Variants in DDX10 observed in about 807,000 individuals in gnomAD.
The protein encoded by DDX10 is probable ATP-dependent RNA helicase DDX10.
In DDX10, 74 loss-of-function variants were observed where a neutral mutation model predicts 104.3. The ratio of observed to expected loss-of-function variants is 0.71; its 90% confidence interval spans 0.59 to 0.86. The LOEUF (loss-of-function observed/expected upper bound fraction) is 0.86. Among genes scored for constraint, DDX10 ranks in the 40% least tolerant of loss-of-function variants. The pLI, the probability that DDX10 is intolerant of heterozygous loss-of-function variation, is 0.00. For missense variants in DDX10, 952 were observed against 1,040.0 expected, an observed-to-expected ratio of 0.92 and a Z score of 1.16; for synonymous variants, 351 against 353.4, an observed-to-expected ratio of 0.99 and a Z score of 0.08.
intron 13 of DDX10, among the ~76,000 whole-genome samples, chr11:108,807,799 T>C (rs1189759719): frequency 6.6e-6 from 1 of 152,168 alleles, no homozygotes; most frequent in East Asian, 1.9e-4. Flanking sequence ...AAATATCTTC[T>C]ACTAAAGTAG....
intron 13 of DDX10, among the ~76,000 whole-genome samples, chr11:108,773,524 T>C (rs2094366013): frequency 6.6e-6 from 1 of 152,166 alleles, no homozygotes; most frequent in African/African-American, 2.4e-5. Flanking sequence ...TTTCTCTCCC[T>C]TTTCTGCTTC....
chr11:108,742,970 T>C (rs1247798850), intron 13 of DDX10, among the ~76,000 whole-genome samples: 1 of 152,136 alleles, frequency 6.6e-6, no homozygotes, highest in Non-Finnish European at 1.5e-5. Context: ...AGAAAAGTTG[T>C]TACCATTCTT....
chr11:108,902,375 G>A (rs1308935331), intron 16 of DDX10, among the ~76,000 whole-genome samples: 2 of 152,136 alleles, frequency 1.3e-5, no homozygotes, highest in African/African-American at 4.8e-5. Context: ...CATACCTTTG[G>A]ATTTCTTAAG....
chr11:108,753,131 G>A (rs2094340656), intron 13 of DDX10, among the ~76,000 whole-genome samples: 1 of 148,498 alleles, frequency 6.7e-6, no homozygotes, highest in Non-Finnish European at 1.5e-5. Context: ...TAAAATTTCT[G>A]CAAACCAAAT....
intron 13 of DDX10, among the ~76,000 whole-genome samples, chr11:108,778,108 G>A (rs542271278): frequency 6.6e-6 from 1 of 152,232 alleles, no homozygotes; most frequent in African/African-American, 2.4e-5. Flanking sequence ...TTGTGAAGAT[G>A]GCCATACTGC....
At chr11:108,847,620 T>C (rs1398859121) in intron 15 of DDX10, among the ~76,000 whole-genome samples, 3 of 152,210 alleles carry the variant, frequency 2.0e-5, no homozygotes, top group Non-Finnish European at 4.4e-5. Flanking sequence ...TGTTTTATTG[T>C]TGTTGACACA....
At chr11:108,747,765 T>C (rs1298436847) in intron 13 of DDX10, among the ~76,000 whole-genome samples, 12 of 152,308 alleles carry the variant, frequency 7.9e-5, no homozygotes, top group South Asian at 4.1e-4. Context: ...AATAGTCTTA[T>C]TTAAATAAAC....
At chr11:108,918,069 T>A in intron 17 of DDX10, 51 bp downstream of exon 17, 1 of 1,556,458 alleles carries the variant, frequency 6.4e-7, no homozygotes, top group Non-Finnish European at 8.9e-7. Flanking sequence ...CTCACATCAG[T>A]CTTTTAATGA....
intron 1 of DDX10, among the ~76,000 whole-genome samples, chr11:108,666,649 GGTGGCTGCTGGCATTCCTTGGCCT>G (rs1236542186): frequency 6.6e-6 from 1 of 152,140 alleles, no homozygotes; most frequent in Non-Finnish European, 1.5e-5. Flanking sequence ...TGTAGCTTCT[GGTGGCTGCTGGCATTCCTTGGCCT>G]GTGGCTGCAT....
intron 16 of DDX10, among the ~76,000 whole-genome samples, chr11:108,883,660 CCTCATCT>C (rs1440578337): frequency 1.3e-5 from 2 of 152,012 alleles, no homozygotes; most frequent in Non-Finnish European, 2.9e-5. Flanking sequence ...ATTACCACTT[CCTCATCT>C]CTCATCTCTT....
chr11:108,815,152 G>A (rs1862237623), intron 13 of DDX10, among the ~76,000 whole-genome samples: 1 of 152,070 alleles, frequency 6.6e-6, no homozygotes, highest in African/African-American at 2.4e-5. Context: ...GCATATTCCT[G>A]TTATATACTT....
chr11:108,674,227 G>A (rs1327870715), intron 2 of DDX10, among the ~76,000 whole-genome samples: 3 of 151,866 alleles, frequency 2.0e-5, no homozygotes, highest in African/African-American at 7.3e-5. Flanking sequence ...TGAGGCAGGG[G>A]AATCACTTGA....
chr11:108,673,844 CA>C (rs2094220321), intron 2 of DDX10, among the ~76,000 whole-genome samples: 1 of 152,142 alleles, frequency 6.6e-6, no homozygotes, highest in Non-Finnish European at 1.5e-5. Context: ...GACAAAATAT[CA>C]GACTGAGTGG....
intron 6 of DDX10, among the ~76,000 whole-genome samples, chr11:108,686,360 A>T (rs1410853887): frequency 6.6e-6 from 1 of 152,210 alleles, no homozygotes; most frequent in Non-Finnish European, 1.5e-5. Flanking sequence ...TTCACAGTAT[A>T]TTCACTGCCC....
intron 16 of DDX10, among the ~76,000 whole-genome samples, chr11:108,894,646 A>G (rs1457711864): frequency 6.6e-6 from 1 of 152,088 alleles, no homozygotes; most frequent in Non-Finnish European, 1.5e-5. Flanking sequence ...GGAAAATAAC[A>G]AAGTCAATAG....
intron 15 of DDX10, among the ~76,000 whole-genome samples, chr11:108,848,561 C>G (rs1686122698): frequency 6.6e-6 from 1 of 152,124 alleles, no homozygotes; most frequent in South Asian, 2.1e-4. Flanking sequence ...ATTTGCCTAT[C>G]ATTTGGAGAT....
chr11:108,724,213 T>G (rs1466501), intron 13 of DDX10, among the ~76,000 whole-genome samples: 2,361 of 152,138 alleles, frequency 0.016, 58 homozygotes, highest in African/African-American at 0.054. Context: ...ATTTCAAGAT[T>G]CACAGTAGGA....
At chr11:108,869,432 C>T (rs2134621703) in intron 16 of DDX10, among the ~76,000 whole-genome samples, 1 of 152,222 alleles carries the variant, frequency 6.6e-6, no homozygotes, top group Non-Finnish European at 1.5e-5. Flanking sequence ...TAAGACATGT[C>T]AGCAGGTCTT....
chr11:108,824,798 C>T (rs1049315610), intron 13 of DDX10, among the ~76,000 whole-genome samples: 1 of 151,878 alleles, frequency 6.6e-6, no homozygotes, highest in African/African-American at 2.4e-5. Flanking sequence ...TTGTTTTTTT[C>T]GAGGGTCATG....
Sources: allele counts gnomAD v4.1 joint callset (sites outside exome capture counted in the v4.1 genomes callset), GRCh38; gene constraint gnomAD v4.1.1; transcripts MANE v1.5; gene names NCBI Gene and HGNC (gene_info 2026-07-23, HGNC 2026-07-21).